PTPRQ: variants seen among roughly 807,000 people sequenced by gnomAD.
PTPRQ encodes the protein protein tyrosine phosphatase receptor type Q, also known as phosphatidylinositol phosphatase PTPRQ.
A neutral mutation model predicts 246.0 loss-of-function variants in PTPRQ; 199 were observed. The observed-to-expected ratio is 0.81, with a 90% confidence interval of 0.72 to 0.91. The LOEUF (loss-of-function observed/expected upper bound fraction) is 0.91, where lower values mean the gene tolerates loss of function less well. Ranked by LOEUF, PTPRQ falls within the 40% of genes least tolerant of loss-of-function variation. PTPRQ has a pLI of 0.00. For synonymous variants in PTPRQ, 869 were observed against 853.2 expected (o/e 1.02, Z -0.32); for missense variants, 2,624 against 2,528.4 (o/e 1.04, Z -0.81).
intron 41 of PTPRQ, 129 bp downstream of exon 41, chr12:80,669,593 G>A (rs538152576): frequency 7.6e-7 from 1 of 1,312,516 alleles, no homozygotes; most frequent in South Asian, 1.7e-5. Context: ...CTTTTGTATT[G>A]TCTTCTGAAC....
Position 80,510,429 on chromosome 12 carries a change from C to T in PTPRQ, c.2664C>T (p.Tyr888=). Reference sequence around the variant, plus strand: ...AGCCAAATGGAATTATCCTTTATTACACAGTTTATGTCTGGTAATAATTTT... The same window carrying T: ...AGCCAAATGGAATTATCCTTTATTATACAGTTTATGTCTGGTAATAATTTT... ...PLEPNGIILY[Y]TVYVWNRSSL... Residue 888 remains tyrosine (Y), a synonymous_variant, in exon 17 of 45, where the codon TAC becomes TAT. Coordinates refer to ENST00000644991, the MANE Select transcript of PTPRQ (RefSeq NM_001145026.2). 15 of 1,549,534 alleles carry T rather than the reference C, an allele frequency of 9.7e-6. No homozygotes were observed. The highest frequency in any genetic ancestry group is 1.2e-5 in the Non-Finnish European group (14 of 1,145,700).
chr12:80,536,478 T>C (rs919637479), intron 19 of PTPRQ, among the ~76,000 whole-genome samples: 1 of 152,234 alleles, frequency 6.6e-6, no homozygotes, highest in African/African-American at 2.4e-5. Flanking sequence ...TTATATTCTG[T>C]TCTATAAGAG....
At chr12:80,510,510 G>A (rs921820687) in intron 17 of PTPRQ, 67 bp downstream of exon 17, 23 of 1,347,976 alleles carry the variant, frequency 1.7e-5, no homozygotes, top group Non-Finnish European at 2.1e-5. Flanking sequence ...TAGGAATGTA[G>A]CTTTTAGATT....
chr12:80,649,025 G>A (rs569041939), intron 36 of PTPRQ, 102 bp downstream of exon 36: 8 of 1,138,220 alleles, frequency 7.0e-6, no homozygotes, highest in East Asian at 3.2e-5. Flanking sequence ...TATGTTTGTT[G>A]GAAAAACCTC....
At chr12:80,542,956 GA>G in intron 23 of PTPRQ, 75 bp downstream of exon 23, 1 of 973,842 alleles carries the variant, frequency 1.0e-6, no homozygotes, top group Non-Finnish European at 1.4e-6. Flanking sequence ...CATATAGGAG[GA>G]AAATGGACTA....
chr12:80,450,368 T>C (rs1565711203), intron 3 of PTPRQ, among the ~76,000 whole-genome samples: 1 of 152,170 alleles, frequency 6.6e-6, no homozygotes, highest in Non-Finnish European at 1.5e-5. Flanking sequence ...ATACCCTTTA[T>C]TTCCTTCTCC....
chr12:80,591,130 T>TC (rs1344259196), intron 26 of PTPRQ, among the ~76,000 whole-genome samples: 1 of 145,278 alleles, frequency 6.9e-6, no homozygotes, highest in East Asian at 2.0e-4. Context: ...CTTTTTTTTT[T>TC]TTTTTTTTTT....
At chr12:80,478,502 C>T (rs1045872482) in intron 8 of PTPRQ, among the ~76,000 whole-genome samples, 2 of 152,168 alleles carry the variant, frequency 1.3e-5, no homozygotes, top group Admixed American at 6.5e-5. Flanking sequence ...TGCAGTTCCT[C>T]ACCAGCAATG....
At chr12:80,533,923 A>T (rs1387770722) in intron 17 of PTPRQ, 92 bp from the exon 18 acceptor site, 1 of 927,120 alleles carries the variant, frequency 1.1e-6, no homozygotes, top group African/African-American at 1.7e-5. Flanking sequence ...ATTTCCATAT[A>T]TTAATGTTGT....
At chr12:80,465,963 T>A (rs1432020580) in intron 6 of PTPRQ, among the ~76,000 whole-genome samples, 2 of 152,154 alleles carry the variant, frequency 1.3e-5, no homozygotes, top group Non-Finnish European at 2.9e-5. Context: ...GGATGCCCCC[T>A]CTCACCACTC....
At chr12:80,545,656 C>T (rs551739628) in intron 23 of PTPRQ, among the ~76,000 whole-genome samples, 75 of 151,292 alleles carry the variant, frequency 5.0e-4, no homozygotes, top group Non-Finnish European at 8.3e-4. Flanking sequence ...TCTCATATCT[C>T]TAAAAACAGT....
intron 6 of PTPRQ, among the ~76,000 whole-genome samples, chr12:80,465,845 G>A (rs887880101): frequency 6.6e-6 from 1 of 152,136 alleles, no homozygotes; most frequent in Non-Finnish European, 1.5e-5. Context: ...AGGAATTGGT[G>A]GGACGTATCT....
chr12:80,464,131 A>G (rs1241327283), intron 6 of PTPRQ, among the ~76,000 whole-genome samples: 25 of 151,448 alleles, frequency 1.7e-4, no homozygotes, highest in African/African-American at 4.6e-4. Context: ...CCCATCTCAC[A>G]TGCAGAGACA....
chr12:80,519,094 A>T (rs1435241155), intron 17 of PTPRQ, among the ~76,000 whole-genome samples: 2 of 152,100 alleles, frequency 1.3e-5, no homozygotes, highest in African/African-American at 4.8e-5. Context: ...AATAATATTG[A>T]TTCTTCCACC....
At chr12:80,663,971 C>T (rs1900709554) in intron 39 of PTPRQ, among the ~76,000 whole-genome samples, 1 of 152,006 alleles carries the variant, frequency 6.6e-6, no homozygotes, top group South Asian at 2.1e-4. Flanking sequence ...TCAGCTTGAA[C>T]TGCATGCCTA....
At position 80,495,030 on chromosome 12, in the gene PTPRQ, A is replaced by G. The variant is rs1297250572; in HGVS notation, c.1638A>G (p.Val546=). ...CTTTCACTGAGCACATGATTAGTGT[A>G]TCTGCTTTCACCATCATGGGAGAAG... ...LVPFTEHMIS[V]SAFTIMGEGP... Residue 546 remains valine (V), a synonymous_variant, in exon 11 of 45, where the codon GTA becomes GTG. Coordinates refer to ENST00000644991, the MANE Select transcript of PTPRQ (RefSeq NM_001145026.2). The G allele has an allele frequency of 1.3e-6, 2 of 1,550,456 alleles. No individual in the cohort carries two copies. Among genetic ancestry groups the G allele is most frequent in the Non-Finnish European group, 1.7e-6 (2 of 1,146,260 alleles).
At chr12:80,464,090 C>G (rs931004288) in intron 6 of PTPRQ, among the ~76,000 whole-genome samples, 1 of 151,912 alleles carries the variant, frequency 6.6e-6, no homozygotes, top group Non-Finnish European at 1.5e-5. Flanking sequence ...GATAAAGAGT[C>G]AAGACCCATC....
chr12:80,461,534 A>G (rs1893168558), intron 6 of PTPRQ, among the ~76,000 whole-genome samples: 1 of 151,688 alleles, frequency 6.6e-6, no homozygotes, highest in Admixed American at 6.6e-5. Flanking sequence ...TCATGTAAAT[A>G]CATGTATTTA....
intron 38 of PTPRQ, among the ~76,000 whole-genome samples, chr12:80,656,216 T>C (rs1167235400): frequency 2.0e-5 from 3 of 152,300 alleles, no homozygotes; most frequent in South Asian, 2.1e-4. Flanking sequence ...GGGCAAGTAA[T>C]TGTGATTACT....
Sources: allele counts gnomAD v4.1 joint callset (sites outside exome capture counted in the v4.1 genomes callset), GRCh38; gene constraint gnomAD v4.1.1; transcripts MANE v1.5; gene names NCBI Gene and HGNC (gene_info 2026-07-23, HGNC 2026-07-21).